The following SMIM23 variants were observed in gnomAD, a reference collection of about 807,000 sequenced individuals.
SMIM23 encodes small integral membrane protein 23.
Under a neutral mutation model 12.8 loss-of-function variants are expected in SMIM23, and 10 were observed. That is an observed-to-expected ratio of 0.78 (90% CI 0.48 to 1.32). The LOEUF is 1.32. Ranked by LOEUF, SMIM23 falls within the 40% of genes most tolerant of loss-of-function variation. SMIM23 has a pLI of 0.00. For missense variants in SMIM23, 184 were observed against 198.2 expected (o/e 0.93, Z 0.43); for synonymous variants, 78 against 80.1 (o/e 0.97, Z 0.14).
the SMIM23 span, among the ~76,000 whole-genome samples, chr5:171,776,979 CAT>C: frequency 6.6e-6 from 1 of 152,096 alleles, no homozygotes; most frequent in Admixed American, 6.5e-5. Context: ...TTCTAGACTC[CAT>C]GTCTCCAAGA....
chr5:171,774,566 C>T, the SMIM23 span: 5 of 455,812 alleles, frequency 1.1e-5, no homozygotes, highest in Non-Finnish European at 1.8e-5. Context: ...GTTTATCTTG[C>T]GTAGGCCCAT....
chr5:171,785,322 C>T (rs1453182766), upstream of SMIM23, among the ~76,000 whole-genome samples: 1 of 152,054 alleles, frequency 6.6e-6, no homozygotes, highest in East Asian at 1.9e-4. Flanking sequence ...TACACAGGAT[C>T]TCTCTGTATT....
the SMIM23 span, chr5:171,773,740 C>T: frequency 2.2e-6 from 1 of 455,352 alleles, no homozygotes; most frequent in East Asian, 6.9e-5. Flanking sequence ...TGCCCAGCTT[C>T]AGGCAAGTGT....
At chr5:171,777,014 C>T in the SMIM23 span, among the ~76,000 whole-genome samples, 31 of 151,792 alleles carry the variant, frequency 2.0e-4, no homozygotes, top group South Asian at 4.4e-3. Context: ...GAGTGCATGA[C>T]GGGGTGAGCC....
At chr5:171,773,997 TGTGTGCACTTC>T in the SMIM23 span, 2 of 374,008 alleles carry the variant, frequency 5.3e-6, no homozygotes, top group African/African-American at 4.2e-5. Context: ...GCATTTCTTG[TGTGTGCACTTC>T]GCAGGAGGCA....
In SMIM23 at chr5:171,790,280, G is replaced by A; in HGVS notation, c.156G>A (p.Trp52Ter). Residue 52 changes from tryptophan to a stop codon, truncating the protein, a stop_gained and splice_region_variant, in exon 2 of 4, where the codon TGG (tryptophan) becomes TGA (stop). Transcript: ENST00000523047. LOFTEE classifies it high-confidence loss of function. ...TGCTGTACTTGAGCACAGAGATATG[G>A]GGTGAGCATTCTGGAATCTGAGAAA... ...ILVLYLSTEI[W>*]GSSWEVSERI... is the part of the protein sequence containing the mutation. 6.5e-7 allele frequency: 1 copy of A among 1,536,078 alleles called. No individual in the cohort carries two copies. The highest frequency in any genetic ancestry group is 2.4e-5 in the East Asian group (1 of 40,902).
At chr5:171,777,067 TTC>T in the SMIM23 span, among the ~76,000 whole-genome samples, 1,996 of 147,534 alleles carry the variant, frequency 0.014, 46 homozygotes, top group African/African-American at 0.047. Flanking sequence ...TTTTTTTTTT[TTC>T]CTTCTTGGCC....
At chr5:171,773,848 C>T in the SMIM23 span, 3 of 456,210 alleles carry the variant, frequency 6.6e-6, no homozygotes, top group Non-Finnish European at 1.3e-5. Context: ...ATTTTTAAGA[C>T]AACTTATTTT....
chr5:171,779,334 G>C (rs953610279), upstream of SMIM23, among the ~76,000 whole-genome samples: 12 of 152,132 alleles, frequency 7.9e-5, no homozygotes, highest in Non-Finnish European at 1.6e-4. Context: ...ATGCCCTTTC[G>C]TTTCACACCC....
At chr5:171,778,444 A>T (rs912881237), upstream of SMIM23, among the ~76,000 whole-genome samples, 4 of 125,016 alleles carry the variant, frequency 3.2e-5, no homozygotes, top group Non-Finnish European at 6.5e-5. Context: ...AGATGGGAAA[A>T]TTTCACACAC....
intron 1 of SMIM23, among the ~76,000 whole-genome samples, chr5:171,789,936 A>G (rs1039905145): frequency 1.3e-5 from 2 of 152,374 alleles, no homozygotes; most frequent in South Asian, 4.1e-4. Context: ...GCGTTTTATT[A>G]TATGTAAATT....
the SMIM23 span, among the ~76,000 whole-genome samples, chr5:171,777,191 C>T: frequency 8.5e-5 from 13 of 152,048 alleles, no homozygotes; most frequent in African/African-American, 2.2e-4. Context: ...CCTGAAATTC[C>T]GACTGTAATA....
the SMIM23 span, among the ~76,000 whole-genome samples, chr5:171,775,219 G>A: frequency 1.1e-4 from 17 of 152,134 alleles, no homozygotes; most frequent in African/African-American, 4.1e-4. Flanking sequence ...GTGGGCCCTT[G>A]GCCACCTTCT....
upstream of SMIM23, among the ~76,000 whole-genome samples, chr5:171,783,180 G>C (rs1319574090): frequency 6.6e-6 from 1 of 152,152 alleles, no homozygotes; most frequent in African/African-American, 2.4e-5. Flanking sequence ...AATAAATGAA[G>C]AAGCATACTG....
At chr5:171,790,675 A>G in intron 3 of SMIM23, 120 bp from the exon 4 acceptor site, 6 of 1,373,786 alleles carry the variant, frequency 4.4e-6, no homozygotes, top group Non-Finnish European at 6.0e-6. Context: ...GGGAACAGGT[A>G]CTACGAGCAC....
At chr5:171,774,083 G>A in the SMIM23 span, 1 of 357,050 alleles carries the variant, frequency 2.8e-6, no homozygotes. Flanking sequence ...AAAAAAAATG[G>A]CATCTATTCA....
upstream of SMIM23, among the ~76,000 whole-genome samples, chr5:171,783,918 A>G (rs2113646549): frequency 6.6e-6 from 1 of 152,320 alleles, no homozygotes; most frequent in Non-Finnish European, 1.5e-5. Flanking sequence ...CCACTGAGGA[A>G]GGGGTGCAGA....
the SMIM23 span, among the ~76,000 whole-genome samples, chr5:171,775,503 G>T: frequency 1.4e-4 from 22 of 152,184 alleles, no homozygotes; most frequent in African/African-American, 5.1e-4. Context: ...ACAGGAAGAG[G>T]AGGCAGTGGT....
chr5:171,780,095 G>C (rs1755702878), upstream of SMIM23, among the ~76,000 whole-genome samples: 1 of 152,144 alleles, frequency 6.6e-6, no homozygotes, highest in South Asian at 2.1e-4. Context: ...CAGGACTCAA[G>C]CACAAAGCAC....
Sources: gnomAD v4.1 joint callset for allele counts (sites outside exome capture counted in the v4.1 genomes callset) on GRCh38, gnomAD v4.1.1 for gene constraint, MANE v1.5 for transcripts, NCBI Gene and HGNC (gene_info 2026-07-23, HGNC 2026-07-21) for gene names.